The following VDAC1 variants were observed in gnomAD, a reference collection of about 807,000 sequenced individuals.
The protein encoded by VDAC1 is voltage dependent anion channel 1.
VDAC1 carries 10 observed loss-of-function variants against 34.7 expected under a neutral mutation model. The observed-to-expected ratio is 0.29, with a 90% CI of 0.18 to 0.49. The LOEUF is 0.49. Ranked by LOEUF, VDAC1 falls within the 20% of genes least tolerant of loss-of-function variation. The pLI is 0.99. For missense variants in VDAC1, 230 were observed against 347.9 expected, an observed-to-expected ratio of 0.66 and a Z score of 2.69; for synonymous variants, 130 against 136.0, an observed-to-expected ratio of 0.96 and a Z score of 0.30.
chr5:134,004,441 C>T (rs1222907468), intron 1 of VDAC1: 5 of 152,506 alleles, frequency 3.3e-5, no homozygotes, highest in Non-Finnish European at 5.8e-5. Flanking sequence ...CCAGCCCAGA[C>T]CTGTTCGGCA....
the VDAC1 span, among the ~76,000 whole-genome samples, chr5:134,024,378 A>C: frequency 6.6e-6 from 1 of 151,596 alleles, no homozygotes; most frequent in Non-Finnish European, 1.5e-5. Flanking sequence ...AAAATACAAA[A>C]ATTAGCCAGG....
the VDAC1 span, among the ~76,000 whole-genome samples, chr5:134,072,931 C>T: frequency 2.6e-5 from 4 of 152,212 alleles, no homozygotes; most frequent in Non-Finnish European, 5.9e-5. Flanking sequence ...GTTGTGTAAA[C>T]AGCTCGCTGC....
the VDAC1 span, among the ~76,000 whole-genome samples, chr5:134,025,562 G>A: frequency 6.6e-6 from 1 of 151,846 alleles, no homozygotes; most frequent in East Asian, 1.9e-4. Flanking sequence ...CAGTGATGGA[G>A]GTGATGTTTC....
chr5:134,105,821 C>A, the VDAC1 span, among the ~76,000 whole-genome samples: 3 of 152,248 alleles, frequency 2.0e-5, no homozygotes, highest in Non-Finnish European at 4.4e-5. Flanking sequence ...CCTCATCTGA[C>A]TTTGGGAGGT....
chr5:134,016,056 T>C, the VDAC1 span, among the ~76,000 whole-genome samples: 1 of 152,292 alleles, frequency 6.6e-6, no homozygotes, highest in South Asian at 2.1e-4. Flanking sequence ...TCCAAAGTGC[T>C]AAGATTACAG....
At chr5:133,977,610 CT>C (rs1446638345) in intron 6 of VDAC1, among the ~76,000 whole-genome samples, 2 of 152,224 alleles carry the variant, frequency 1.3e-5, no homozygotes, top group Non-Finnish European at 2.9e-5. Context: ...AGAGTCTACA[CT>C]TTGTCCTCTG....
the VDAC1 span, among the ~76,000 whole-genome samples, chr5:134,094,532 C>A: frequency 2.0e-5 from 3 of 152,032 alleles, no homozygotes; most frequent in Non-Finnish European, 2.9e-5. Flanking sequence ...CCTGTCTCCA[C>A]TAAAAATACA....
At chr5:134,089,114 G>A in the VDAC1 span, among the ~76,000 whole-genome samples, 1 of 152,220 alleles carries the variant, frequency 6.6e-6, no homozygotes, top group Non-Finnish European at 1.5e-5. Flanking sequence ...ACAGGCTCTA[G>A]GGCTTTGCCT....
At chr5:134,093,775 G>A in the VDAC1 span, among the ~76,000 whole-genome samples, 177 of 152,326 alleles carry the variant, frequency 1.2e-3, 1 homozygote, top group African/African-American at 3.9e-3. Context: ...AGTTCTAGGG[G>A]GAGTGGAGGC....
chr5:134,056,372 T>C, the VDAC1 span, among the ~76,000 whole-genome samples: 5 of 152,128 alleles, frequency 3.3e-5, no homozygotes, highest in Non-Finnish European at 5.9e-5. Flanking sequence ...ATCACTGTAT[T>C]GATGAACATT....
At chr5:134,088,432 C>T in the VDAC1 span, among the ~76,000 whole-genome samples, 1 of 152,192 alleles carries the variant, frequency 6.6e-6, no homozygotes, top group Non-Finnish European at 1.5e-5. Flanking sequence ...AGGCCTGAGC[C>T]AGGCTGGGAG....
chr5:134,002,655 T>C (rs1045719553), intron 1 of VDAC1, among the ~76,000 whole-genome samples: 3 of 152,218 alleles, frequency 2.0e-5, no homozygotes, highest in Non-Finnish European at 4.4e-5. Context: ...ACAAGTGAGA[T>C]GTCTGTGTCC....
At chr5:134,083,760 G>A in the VDAC1 span, among the ~76,000 whole-genome samples, 8 of 152,376 alleles carry the variant, frequency 5.3e-5, no homozygotes, top group South Asian at 1.7e-3. Flanking sequence ...TCTCTGGCCT[G>A]TAGGACTCAG....
chr5:134,012,340 A>G, the VDAC1 span, among the ~76,000 whole-genome samples: 2 of 152,254 alleles, frequency 1.3e-5, no homozygotes, highest in African/African-American at 4.8e-5. Context: ...GTTACAACAC[A>G]ATAGGAAGTG....
chr5:133,975,728 G>A (rs1752452635), intron 7 of VDAC1, 143 bp downstream of exon 7: 2 of 1,295,674 alleles, frequency 1.5e-6, no homozygotes, highest in East Asian at 2.3e-5. Context: ...CAAAGTGCAG[G>A]GATTACAGGC....
the VDAC1 span, among the ~76,000 whole-genome samples, chr5:134,079,137 C>T: frequency 1.3e-5 from 2 of 151,828 alleles, no homozygotes; most frequent in South Asian, 2.1e-4. Context: ...CCACCATGCC[C>T]GGTTAATTTT....
At chr5:133,983,980 C>G (rs576954849) in intron 5 of VDAC1, among the ~76,000 whole-genome samples, 3 of 152,146 alleles carry the variant, frequency 2.0e-5, no homozygotes, top group Non-Finnish European at 4.4e-5. Context: ...CGAGCAGATG[C>G]CTGTGCTCTG....
chr5:134,111,605 G>T, the VDAC1 span, among the ~76,000 whole-genome samples: 15 of 152,110 alleles, frequency 9.9e-5, no homozygotes, highest in African/African-American at 3.4e-4. Flanking sequence ...TGCCAGCAAA[G>T]GTCTTGGGCC....
the VDAC1 span, among the ~76,000 whole-genome samples, chr5:134,027,131 A>C: frequency 2.0e-5 from 3 of 152,214 alleles, no homozygotes; most frequent in Admixed American, 1.3e-4. Flanking sequence ...ACCCCGCCCT[A>C]TAAAGAAATG....
Sources: allele counts gnomAD v4.1 joint callset (sites outside exome capture counted in the v4.1 genomes callset), GRCh38; gene constraint gnomAD v4.1.1; transcripts MANE v1.5; gene names NCBI Gene and HGNC (gene_info 2026-07-23, HGNC 2026-07-21).